Variants in ABTB3 observed in about 807,000 individuals in gnomAD.
ABTB3 encodes ankyrin repeat- and BTB/POZ domain-containing protein 3.
At chr12:107,593,701 C>T in the ABTB3 span, among the ~76,000 whole-genome samples, 1 of 152,084 alleles carries the variant, frequency 6.6e-6, no homozygotes, top group Non-Finnish European at 1.5e-5. Context: ...TTAAAATCTC[C>T]CTCATATAAC....
the ABTB3 span, among the ~76,000 whole-genome samples, chr12:107,417,739 T>C: frequency 2.6e-5 from 4 of 152,346 alleles, no homozygotes; most frequent in East Asian, 5.8e-4. Context: ...TGCTCAGACA[T>C]TGTGCTCGGC....
the ABTB3 span, among the ~76,000 whole-genome samples, chr12:107,548,906 G>A: frequency 6.6e-6 from 1 of 152,150 alleles, no homozygotes; most frequent in Non-Finnish European, 1.5e-5. Context: ...AAAAATAGTA[G>A]GATAAATGGG....
chr12:107,526,921 TA>T, the ABTB3 span, among the ~76,000 whole-genome samples: 1 of 152,132 alleles, frequency 6.6e-6, no homozygotes, highest in Admixed American at 6.5e-5. Context: ...GGTATACCTG[TA>T]ATCTTCTCAT....
the ABTB3 span, among the ~76,000 whole-genome samples, chr12:107,479,385 T>A: frequency 1.3e-4 from 19 of 151,962 alleles, no homozygotes; most frequent in Non-Finnish European, 4.4e-5. Context: ...CCAGCTCAGC[T>A]CTGTGATCTC....
the ABTB3 span, among the ~76,000 whole-genome samples, chr12:107,398,114 C>A: frequency 6.6e-6 from 1 of 152,108 alleles, no homozygotes; most frequent in Non-Finnish European, 1.5e-5. Flanking sequence ...GAATTACAGA[C>A]CTTTCCATTA....
the ABTB3 span, among the ~76,000 whole-genome samples, chr12:107,326,530 C>G: frequency 1.3e-5 from 2 of 152,190 alleles, no homozygotes; most frequent in Non-Finnish European, 2.9e-5. Flanking sequence ...GTATCATTGG[C>G]TCTCTGACCA....
the ABTB3 span, among the ~76,000 whole-genome samples, chr12:107,635,550 G>A: frequency 1.9e-3 from 291 of 152,224 alleles, no homozygotes; most frequent in African/African-American, 6.6e-3. Flanking sequence ...CCTTTATTAT[G>A]TGATGACACT....
chr12:107,580,856 C>T, the ABTB3 span: 1 of 1,546,826 alleles, frequency 6.5e-7, no homozygotes, highest in Non-Finnish European at 8.7e-7. Flanking sequence ...ATAATATTCC[C>T]AGATCAGTTA....
chr12:107,644,683 T>C, the ABTB3 span, among the ~76,000 whole-genome samples: 1 of 152,160 alleles, frequency 6.6e-6, no homozygotes, highest in Non-Finnish European at 1.5e-5. Flanking sequence ...GGGTTTGGTG[T>C]TCTGATTATT....
the ABTB3 span, among the ~76,000 whole-genome samples, chr12:107,426,762 G>A: frequency 3.3e-5 from 5 of 151,754 alleles, no homozygotes; most frequent in Non-Finnish European, 7.4e-5. Flanking sequence ...CCATCTGCCC[G>A]GCCACCCAAG....
At chr12:107,656,302 A>AAG in the ABTB3 span, among the ~76,000 whole-genome samples, 3 of 151,872 alleles carry the variant, frequency 2.0e-5, no homozygotes, top group Non-Finnish European at 4.4e-5. Context: ...CTCTGTCAAA[A>AAG]AAAAAAAAAA....
chr12:107,344,505 G>C, the ABTB3 span, among the ~76,000 whole-genome samples: 1 of 152,180 alleles, frequency 6.6e-6, no homozygotes, highest in Admixed American at 6.5e-5. Flanking sequence ...GCAGTTTTCT[G>C]CCAGTGAATC....
the ABTB3 span, among the ~76,000 whole-genome samples, chr12:107,502,897 G>A: frequency 7.2e-5 from 11 of 152,300 alleles, no homozygotes; most frequent in South Asian, 2.1e-4. Context: ...CCACAAAACC[G>A]GTCCCTGTTG....
chr12:107,469,938 CTTTCTCTTTCTTTCTT>C, the ABTB3 span, among the ~76,000 whole-genome samples: 7 of 90,858 alleles, frequency 7.7e-5, no homozygotes, highest in East Asian at 1.7e-3. Context: ...CTCTCTCTTT[CTTTCTCTTTCTTTCTT>C]TCTTTCTTTC....
At chr12:107,526,367 G>T in the ABTB3 span, among the ~76,000 whole-genome samples, 1 of 152,120 alleles carries the variant, frequency 6.6e-6, no homozygotes, top group African/African-American at 2.4e-5. Flanking sequence ...CTTAGAGTTC[G>T]GTGGGCGGTC....
the ABTB3 span, among the ~76,000 whole-genome samples, chr12:107,388,671 C>CAG: frequency 6.6e-6 from 1 of 152,148 alleles, no homozygotes; most frequent in South Asian, 2.1e-4. Flanking sequence ...AAGGCCCATG[C>CAG]AGGGGCCTGG....
the ABTB3 span, chr12:107,543,958 C>T: frequency 1.9e-6 from 3 of 1,613,640 alleles, no homozygotes; most frequent in African/African-American, 1.3e-5. Flanking sequence ...CCGTGCAATG[C>T]ATCACCTGCA....
At chr12:107,494,162 G>A in the ABTB3 span, among the ~76,000 whole-genome samples, 2 of 152,190 alleles carry the variant, frequency 1.3e-5, no homozygotes, top group Non-Finnish European at 2.9e-5. Flanking sequence ...AGCTTTCCAG[G>A]CTCATGGAGA....
chr12:107,647,565 AAACAC>A, the ABTB3 span, among the ~76,000 whole-genome samples: 1 of 152,230 alleles, frequency 6.6e-6, no homozygotes, highest in Non-Finnish European at 1.5e-5. Flanking sequence ...AAAATAACTT[AAACAC>A]ACATGCGAAA....
Sources: allele counts gnomAD v4.1 joint callset (sites outside exome capture counted in the v4.1 genomes callset), GRCh38; gene constraint gnomAD v4.1.1; transcripts MANE v1.5; gene names NCBI Gene and HGNC (gene_info 2026-07-23, HGNC 2026-07-21).